The following OR2A14 variants were observed in gnomAD, a reference collection of about 807,000 sequenced individuals.
The protein encoded by OR2A14 is olfactory receptor 2A14.
Under a neutral mutation model 2.4 loss-of-function variants are expected in OR2A14, and 2 were observed. That is an observed-to-expected ratio of 0.85 (90% confidence interval 0.35 to 2.67). OR2A14 has a LOEUF of 2.67. Among genes scored for constraint, OR2A14 ranks in the 30% most tolerant of loss-of-function variants. The pLI, the probability that OR2A14 is intolerant of heterozygous loss-of-function variation, is 0.10. For synonymous variants in OR2A14, 160 were observed against 156.3 expected (o/e 1.02, Z -0.18); for missense variants, 390 against 379.4 (o/e 1.03, Z -0.23).
Position 144,129,458 on chromosome 7 carries a change from G to C in OR2A14, c.346G>C (p.Val116Leu), listed in dbSNP as rs950981031. 3.1e-6 allele frequency: 5 copies of C among 1,613,894 alleles called. No individual in the cohort carries two copies. In the Admixed American group the frequency reaches 5.0e-5, roughly 16 times the overall value. ...TCACGTAGAGTGTCTGATTTTGGTG[G>C]TGATGTCCTATGATCGCTATGCGGA... is the stretch of plus-strand genomic sequence containing the variant. Reference protein sequence around the residue: ...FAHVECLILVVMSYDRYADIC... With the variant: ...FAHVECLILVLMSYDRYADIC... The change falls in exon 2 of 2, where the codon GTG (valine) becomes CTG (leucine). Residue 116 changes from valine (V) to leucine (L), a missense_variant. Val to Leu is a conservative substitution (Grantham distance 32, BLOSUM62 1). Coordinates refer to ENST00000641068, the MANE Select transcript of OR2A14 (RefSeq NM_001001659.3).
intron 1 of OR2A14, 130 bp from the exon 2 acceptor site, chr7:144,128,949 G>T: frequency 1.8e-6 from 1 of 541,126 alleles, no homozygotes; most frequent in South Asian, 2.3e-5. Flanking sequence ...TTGATACAAT[G>T]CGATTTTTTC....
At chr7:144,124,368 A>G (rs1293284331) in intron 1 of OR2A14, among the ~76,000 whole-genome samples, 1 of 150,466 alleles carries the variant, frequency 6.6e-6, no homozygotes, top group Admixed American at 6.7e-5. Context: ...GAGCTGAGGC[A>G]GGAGAATTGC....
intron 1 of OR2A14, 106 bp from the exon 2 acceptor site, chr7:144,128,973 C>G: frequency 1.5e-6 from 1 of 646,978 alleles, no homozygotes; most frequent in Non-Finnish European, 2.6e-6. Flanking sequence ...TTTTTATGAG[C>G]ACACTTGGTT....
In OR2A14 at chr7:144,123,277, G is replaced by A. The variant is rs978449050; in HGVS notation, c.-35+13G>A. On this transcript the variant is annotated intron_variant, in intron 1 of 1. Transcript: ENST00000641068. ...AGATTATTGTACTGTAAGTAAATGT[G>A]GTGTATTTGCCTTGAGAAAGGGTTT... The A allele has an allele frequency of 6.6e-6, 1 of 152,158 alleles. No individual in the cohort carries two copies. Among genetic ancestry groups the A allele is most frequent in the African/African-American group, 2.4e-5 (1 of 41,412 alleles). The allele number at this position is 152,158 out of a possible 1,614,324, so 9.4% of individuals were successfully genotyped here.
chr7:144,130,097 G>GA lies in OR2A14; in HGVS notation c.*54dup. 2.9e-6 allele frequency: 4 copies of GA among 1,390,090 alleles called. No individual in the cohort carries two copies. Among genetic ancestry groups the GA allele is most frequent in the Non-Finnish European group, 3.8e-6 (4 of 1,043,766 alleles). 86.1% of individuals were successfully genotyped at this position (1,390,090 alleles called of 1,614,324 possible). On this transcript the variant is annotated 3_prime_UTR_variant, in exon 2 of 2. Coordinates refer to ENST00000641068, the MANE Select transcript of OR2A14 (RefSeq NM_001001659.3). ...GGAGCCTTGCTCCCTGCAAAATATA[G>GA]AAGTTGGCTTTTTTTTTTTGTCTTC...
At position 144,129,467 on chromosome 7, in the gene OR2A14, T is replaced by C. The variant is rs750769131; in HGVS notation, c.355T>C (p.Tyr119His). ...GTGTCTGATTTTGGTGGTGATGTCC[T>C]ATGATCGCTATGCGGACATCTGCCA... ...VECLILVVMS[Y>H]DRYADICHPL... Residue 119 changes from tyrosine to histidine, a missense_variant, in exon 2 of 2, where the codon TAT becomes CAT. Tyr to His is a moderately conservative substitution (Grantham distance 83). Coordinates refer to ENST00000641068, the MANE Select transcript of OR2A14 (RefSeq NM_001001659.3). The C allele has an allele frequency of 6.8e-6, 11 of 1,613,942 alleles. No homozygotes were observed. Among genetic ancestry groups the C allele is most frequent in the South Asian group, 4.4e-5 (4 of 91,078 alleles).
In OR2A14 at chr7:144,129,502, T is replaced by C; in HGVS notation, c.390T>C (p.Arg130=). The C allele has an allele frequency of 6.2e-7, 1 of 1,614,164 alleles. No individual in the cohort carries two copies. Among genetic ancestry groups the C allele is most frequent in the Non-Finnish European group, 8.5e-7 (1 of 1,180,016 alleles). ...DRYADICHPL[R]YNSLMSWRVC... ...ATGCGGACATCTGCCACCCCTTACGTTACAATAGCCTCATGAGCTGGAGAG... is the reference window on the plus strand; with the variant it reads ...ATGCGGACATCTGCCACCCCTTACGCTACAATAGCCTCATGAGCTGGAGAG... Residue 130 remains arginine (R), a synonymous_variant, in exon 2 of 2, where the codon CGT becomes CGC. Coordinates refer to ENST00000641068, the MANE Select transcript of OR2A14 (RefSeq NM_001001659.3).
chr7:144,129,878 G>T lies in OR2A14; in HGVS notation c.766G>T (p.Val256Phe), dbSNP rs188282352. 746 of 1,614,184 alleles carry T rather than the reference G, an allele frequency of 4.6e-4. 2 individuals are homozygous for T. The highest frequency in any genetic ancestry group is 5.6e-4 in the Non-Finnish European group (658 of 1,180,024). Residue 256 changes from valine to phenylalanine, a missense_variant, in exon 2 of 2, where the codon GTC becomes TTC. Val to Phe is a conservative substitution (Grantham distance 50). Transcript: ENST00000641068. ...VVGLFFGSAIVTYMAPKSRHP... is the reference protein window; with the variant it reads ...VVGLFFGSAIFTYMAPKSRHP... ...GGGACTCTTCTTTGGCAGCGCCATTGTCACGTACATGGCCCCCAAGTCCCG... is the reference window on the plus strand; with the variant it reads ...GGGACTCTTCTTTGGCAGCGCCATTTTCACGTACATGGCCCCCAAGTCCCG...
chr7:144,129,689 C>A lies in OR2A14; in HGVS notation c.577C>A (p.Leu193Ile). The A allele has an allele frequency of 1.2e-6, 2 of 1,614,156 alleles. No individual in the cohort carries two copies. Among genetic ancestry groups the A allele is most frequent in the South Asian group, 2.2e-5 (2 of 91,088 alleles). Residue 193 changes from leucine (L) to isoleucine (I), a missense_variant, in exon 2 of 2, where the codon CTC (leucine) becomes ATC (isoleucine). By Grantham distance (5) the Leu-to-Ile change is conservative. Transcript: ENST00000641068. ...VLKLACADTWLNQVVIFAACV... is the reference protein window; with the variant it reads ...VLKLACADTWINQVVIFAACV... ...CAAGTTGGCCTGTGCTGACACCTGG[C>A]TCAACCAGGTGGTCATCTTTGCAGC...
At chr7:144,128,993 A>C in intron 1 of OR2A14, 86 bp from the exon 2 acceptor site, 2 of 841,314 alleles carry the variant, frequency 2.4e-6, no homozygotes, top group Non-Finnish European at 3.7e-6. Flanking sequence ...TAGTTTTGGC[A>C]ACATATCTGA....
intron 1 of OR2A14, among the ~76,000 whole-genome samples, chr7:144,123,665 C>A (rs1022958890): frequency 6.6e-6 from 1 of 152,160 alleles, no homozygotes; most frequent in Non-Finnish European, 1.5e-5. Context: ...ATTTTAAAAA[C>A]TGAAGTAGAG....
rs770466721 is a variant in OR2A14, at chr7:144,130,074, A to G, written c.*29A>G. 1 of 1,544,176 alleles carries G rather than the reference A, an allele frequency of 6.5e-7. No individual in the cohort carries two copies. Among genetic ancestry groups the G allele is most frequent in the Admixed American group, 2.1e-5 (1 of 47,562 alleles). On this transcript the variant is annotated 3_prime_UTR_variant, in exon 2 of 2. Transcript: ENST00000641068. ...ATCTCAAAGGGAACCATGGGGAGGGAGCCTTGCTCCCTGCAAAATATAGAA... is the reference window on the plus strand; with the variant it reads ...ATCTCAAAGGGAACCATGGGGAGGGGGCCTTGCTCCCTGCAAAATATAGAA...
At position 144,130,095 on chromosome 7, in the gene OR2A14, T is replaced by C. The variant is rs761806367; in HGVS notation, c.*50T>C. The C allele has an allele frequency of 2.8e-6, 4 of 1,427,976 alleles. No homozygotes were observed. The East Asian group carries it at 7.1e-5, about 25-fold the overall frequency. 88.5% of individuals were successfully genotyped at this position (1,427,976 alleles called of 1,614,324 possible). ...AGGGAGCCTTGCTCCCTGCAAAATA[T>C]AGAAGTTGGCTTTTTTTTTTTGTCT... On this transcript the variant is annotated 3_prime_UTR_variant, in exon 2 of 2. Transcript: ENST00000641068.
chr7:144,126,258 A>C (rs1002267189), intron 1 of OR2A14, among the ~76,000 whole-genome samples: 1 of 152,232 alleles, frequency 6.6e-6, no homozygotes, highest in Non-Finnish European at 1.5e-5. Context: ...ATTATTATAA[A>C]GTCAAAAGTA....
Position 144,130,111 on chromosome 7 carries a change from T to A in OR2A14, c.*66T>A. ...TGCAAAATATAGAAGTTGGCTTTTT[T>A]TTTTTGTCTTCTGCTAGAATAAATG... On this transcript the variant is annotated 3_prime_UTR_variant, in exon 2 of 2. Transcript: ENST00000641068. 5 of 1,294,304 alleles carry A rather than the reference T, an allele frequency of 3.9e-6. No homozygotes were observed. The highest frequency in any genetic ancestry group is 5.4e-6 in the Non-Finnish European group (5 of 932,310). 80.2% of individuals were successfully genotyped at this position (1,294,304 alleles called of 1,614,324 possible). A position where few individuals can be genotyped will look rare whatever the true frequency, so the allele number is the denominator to read the frequency against.
intron 1 of OR2A14, 31 bp from the exon 2 acceptor site, chr7:144,129,048 C>T: frequency 2.4e-6 from 3 of 1,253,786 alleles, no homozygotes; most frequent in African/African-American, 3.0e-5. Flanking sequence ...TTTCTAAGTG[C>T]TCCCTCTGTG....
Position 144,129,226 on chromosome 7 carries a change from G to A in OR2A14, c.114G>A (p.Leu38=). The A allele has an allele frequency of 6.2e-7, 1 of 1,614,056 alleles. No individual in the cohort carries two copies. The highest frequency in any genetic ancestry group is 1.7e-5 in the Admixed American group (1 of 60,014). ...TCTCTGCCTTCTATACACTCACCCT[G>A]CTGGGGAATGGGGTCATCTTTGGGA... ...GLFSAFYTLT[L]LGNGVIFGII... The change falls in exon 2 of 2, where the codon CTG becomes CTA. Residue 38 remains leucine, a synonymous_variant. Transcript: ENST00000641068.
In OR2A14 at chr7:144,130,027, G is replaced by A. The variant is rs534861677; in HGVS notation, c.915G>A (p.Arg305=). 1.6e-5 allele frequency: 25 copies of A among 1,612,278 alleles called. No individual in the cohort carries two copies. The highest frequency in any genetic ancestry group is 2.0e-5 in the Non-Finnish European group (23 of 1,178,714). The change falls in exon 2 of 2, where the codon AGG becomes AGA. Residue 305 remains arginine (R), a synonymous_variant. Transcript: ENST00000641068. ...EVKGALRRAL[R]KERLT ...AGGGCGCCCTGAGGAGGGCACTGAGGAAGGAGAGGCTGACGTGAGACATCT... is the reference window on the plus strand; with the variant it reads ...AGGGCGCCCTGAGGAGGGCACTGAGAAAGGAGAGGCTGACGTGAGACATCT...
intron 1 of OR2A14, among the ~76,000 whole-genome samples, chr7:144,126,729 G>T (rs1318627840): frequency 6.6e-6 from 1 of 152,068 alleles, no homozygotes; most frequent in East Asian, 1.9e-4. Flanking sequence ...TGGAAAAAAT[G>T]AGTTGAATAA....
Sources: allele counts gnomAD v4.1 joint callset (sites outside exome capture counted in the v4.1 genomes callset), GRCh38; gene constraint gnomAD v4.1.1; transcripts MANE v1.5; gene names NCBI Gene and HGNC (gene_info 2026-07-23, HGNC 2026-07-21).